Variants in KCNIP4 observed in about 807,000 individuals in gnomAD.
KCNIP4 encodes Kv channel-interacting protein 4.
A neutral mutation model predicts 34.0 loss-of-function variants in KCNIP4; 12 were observed. The ratio of observed to expected loss-of-function variants is 0.35; its 90% CI spans 0.23 to 0.57. KCNIP4 has a LOEUF of 0.57. Ranked by LOEUF, KCNIP4 falls within the 20% of genes least tolerant of loss-of-function variation. The pLI is 0.83. For missense variants in KCNIP4, 238 were observed against 311.7 expected, an observed-to-expected ratio of 0.76 and a Z score of 1.78; for synonymous variants, 124 against 102.2, an observed-to-expected ratio of 1.21 and a Z score of -1.29.
At chr4:21,435,916 A>G (rs1422050931) in intron 1 of KCNIP4, among the ~76,000 whole-genome samples, 3 of 152,136 alleles carry the variant, frequency 2.0e-5, no homozygotes, top group Admixed American at 6.5e-5. Context: ...GTTTCTGCAA[A>G]TGAGCGTTGG....
intron 2 of KCNIP4, among the ~76,000 whole-genome samples, chr4:20,864,138 A>G (rs1722559566): frequency 6.9e-6 from 1 of 144,554 alleles, no homozygotes; most frequent in African/African-American, 2.5e-5. Flanking sequence ...ACATGTATGT[A>G]TACATATCCA....
Position 21,890,851 on chromosome 4 carries a change from A to G in KCNIP4, c.61+57720T>C, listed in dbSNP as rs11940781. On this transcript the variant is annotated intron_variant, in intron 1 of 8. Transcript: ENST00000382152. The stretch of plus-strand genomic sequence containing the variant: ...ACAATGTCCAAGAAGCTGAAGAAGA[A>G]ACCCAAAGCCAGAGAATGAAACATA... Among the ~76,000 whole-genome samples, 466 of 152,276 alleles carry G rather than the reference A, an allele frequency of 3.1e-3. 1 individual carries two copies. The highest frequency in any genetic ancestry group is 0.011 in the African/African-American group (444 of 41,576).
chr4:21,874,663 T>A (rs1392384296), intron 1 of KCNIP4, among the ~76,000 whole-genome samples: 1 of 152,210 alleles, frequency 6.6e-6, no homozygotes, highest in Non-Finnish European at 1.5e-5. Flanking sequence ...GCTACACCAT[T>A]CTATTTTGCT....
intron 4 of KCNIP4, among the ~76,000 whole-genome samples, chr4:20,750,596 C>T (rs368446838): frequency 3.0e-4 from 46 of 152,186 alleles, no homozygotes; most frequent in East Asian, 2.3e-3. Context: ...CCTGTTTCTC[C>T]GTTGTCTCCT....
At chr4:21,101,860 G>A (rs942583859) in intron 1 of KCNIP4, among the ~76,000 whole-genome samples, 1 of 152,158 alleles carries the variant, frequency 6.6e-6, no homozygotes, top group Non-Finnish European at 1.5e-5. Flanking sequence ...CTTAAACATA[G>A]AAACTATGAT....
At chr4:21,850,417 A>G (rs1724301034) in intron 1 of KCNIP4, 1 of 152,036 alleles carries the variant, frequency 6.6e-6, no homozygotes, top group African/African-American at 2.4e-5. Flanking sequence ...TAATGGTTTA[A>G]TGGGTTTTAA....
At chr4:21,646,489 A>G (rs546575164) in intron 1 of KCNIP4, among the ~76,000 whole-genome samples, 1 of 152,388 alleles carries the variant, frequency 6.6e-6, no homozygotes, top group Non-Finnish European at 1.5e-5. Context: ...CCGAATTGCT[A>G]TATTGAATCG....
At chr4:21,052,701 A>G (rs1743032029) in intron 1 of KCNIP4, among the ~76,000 whole-genome samples, 1 of 152,140 alleles carries the variant, frequency 6.6e-6, no homozygotes, top group African/African-American at 2.4e-5. Context: ...CTAACCTCTC[A>G]ATGCTGTTTC....
At chr4:21,530,308 C>T (rs1736569555) in intron 1 of KCNIP4, among the ~76,000 whole-genome samples, 1 of 152,202 alleles carries the variant, frequency 6.6e-6, no homozygotes, top group Non-Finnish European at 1.5e-5. Flanking sequence ...TTGAGCCCTA[C>T]ACAACCCTGA....
At chr4:20,988,021 A>AAAAAAAAAAAAAAAAAAAAC in intron 1 of KCNIP4, among the ~76,000 whole-genome samples, 1 of 150,220 alleles carries the variant, frequency 6.7e-6, no homozygotes, top group Non-Finnish European at 1.5e-5. Context: ...AAAAAAAAAA[A>AAAAAAAAAAAAAAAAAAAAC]ATTATAGATA....
chr4:21,393,658 A>AGAAAT (rs1577292398), intron 1 of KCNIP4, among the ~76,000 whole-genome samples: 1 of 152,188 alleles, frequency 6.6e-6, no homozygotes, highest in East Asian at 1.9e-4. Flanking sequence ...CAAGTTATTT[A>AGAAAT]GAAATGAATT....
intron 1 of KCNIP4, among the ~76,000 whole-genome samples, chr4:21,158,588 T>A (rs905669134): frequency 1.1e-4 from 16 of 152,182 alleles, no homozygotes; most frequent in African/African-American, 3.6e-4. Context: ...AAAACTGCAA[T>A]GTGAATTCCT....
intron 1 of KCNIP4, among the ~76,000 whole-genome samples, chr4:21,899,667 A>T (rs1029114869): frequency 6.6e-6 from 1 of 151,994 alleles, no homozygotes; most frequent in African/African-American, 2.4e-5. Context: ...AAAAGGAATT[A>T]AAAAAAGTAA....
intron 1 of KCNIP4, among the ~76,000 whole-genome samples, chr4:21,739,450 G>A (rs554992333): frequency 1.6e-4 from 24 of 152,048 alleles, no homozygotes; most frequent in African/African-American, 5.8e-4. Flanking sequence ...CTCTCAGATG[G>A]TTCTATCTCT....
At chr4:21,912,911 T>C (rs1013225911) in intron 1 of KCNIP4, among the ~76,000 whole-genome samples, 3 of 151,660 alleles carry the variant, frequency 2.0e-5, no homozygotes, top group African/African-American at 7.3e-5. Context: ...TTGTGGACTA[T>C]ATTTACATAT....
At chr4:21,767,046 A>G (rs1224823991) in intron 1 of KCNIP4, among the ~76,000 whole-genome samples, 1 of 152,192 alleles carries the variant, frequency 6.6e-6, no homozygotes, top group Non-Finnish European at 1.5e-5. Context: ...AAGAGAACAC[A>G]AGAAAGGGAG....
chr4:21,879,354 C>A (rs1231424454), intron 1 of KCNIP4, among the ~76,000 whole-genome samples: 1 of 152,192 alleles, frequency 6.6e-6, no homozygotes, highest in East Asian at 1.9e-4. Flanking sequence ...GTGCTACTCA[C>A]CCCTATCCCT....
At chr4:20,741,648 CAATT>C (rs1751141416) in intron 5 of KCNIP4, among the ~76,000 whole-genome samples, 1 of 152,114 alleles carries the variant, frequency 6.6e-6, no homozygotes, top group Admixed American at 6.6e-5. Context: ...CCTAACATCA[CAATT>C]AAAAGAAGTA....
At chr4:21,537,390 T>C (rs1001606435) in intron 1 of KCNIP4, among the ~76,000 whole-genome samples, 2 of 152,162 alleles carry the variant, frequency 1.3e-5, no homozygotes, top group African/African-American at 4.8e-5. Context: ...TAATACCTTT[T>C]ATCCATTAAA....
Sources: allele counts gnomAD v4.1 joint callset (sites outside exome capture counted in the v4.1 genomes callset), GRCh38; gene constraint gnomAD v4.1.1; transcripts MANE v1.5; gene names NCBI Gene and HGNC (gene_info 2026-07-23, HGNC 2026-07-21).